Variants in TIMM21 observed in about 807,000 individuals in gnomAD.
TIMM21 encodes translocase of inner mitochondrial membrane 21.
Under a neutral mutation model 27.7 loss-of-function variants are expected in TIMM21, and 30 were observed. The observed-to-expected ratio is 1.08, with a 90% CI of 0.81 to 1.47. The LOEUF (loss-of-function observed/expected upper bound fraction) is 1.47. Ranked by LOEUF, TIMM21 falls within the 40% of genes most tolerant of loss-of-function variation. TIMM21 has a pLI of 0.00. For synonymous variants in TIMM21, 121 were observed against 114.4 expected (o/e 1.06, Z -0.37); for missense variants, 292 against 302.9 (o/e 0.96, Z 0.27).
chr18:74,155,116 C>T (rs373918903), intron 1 of TIMM21, 29 bp from the exon 2 acceptor site: 8 of 1,611,138 alleles, frequency 5.0e-6, no homozygotes, highest in African/African-American at 1.3e-5. Context: ...AGCCGGCACC[C>T]GTAACCCATT....
Position 74,148,999 on chromosome 18 carries a change from C to A in TIMM21, c.191C>A (p.Thr64Asn). 6.2e-7 allele frequency: 1 copy of A among 1,614,114 alleles called. No individual in the cohort carries two copies. The highest frequency in any genetic ancestry group is 1.1e-5 in the South Asian group (1 of 91,078). ...PRCILGVTQK[T>N]IWTQGPSPRK... ...TGTATTCTTGGAGTCACCCAGAAAA[C>A]CATCTGGACGCAGGGACCGAGCCCC... The change falls in exon 1 of 6, where the codon ACC becomes AAC. Residue 64 changes from threonine to asparagine, a missense_variant. Coordinates refer to ENST00000169551, the MANE Select transcript of TIMM21 (RefSeq NM_014177.3).
At chr18:74,151,295 C>T (rs570491274) in intron 1 of TIMM21, among the ~76,000 whole-genome samples, 1 of 152,336 alleles carries the variant, frequency 6.6e-6, no homozygotes, top group East Asian at 1.9e-4. Context: ...TGCATTAGAG[C>T]AGCTGCCTTC....
chr18:74,159,972 TG>T lies in TIMM21; in HGVS notation c.*1493del, dbSNP rs1315217233. 1 of 152,206 alleles carries T rather than the reference TG, an allele frequency of 6.6e-6. No individual in the cohort carries two copies. Among genetic ancestry groups the T allele is most frequent in the Non-Finnish European group, 1.5e-5 (1 of 68,044 alleles). The allele number at this position is 152,206 out of a possible 1,614,324, so 9.4% of individuals were successfully genotyped here. A position where few individuals can be genotyped will look rare whatever the true frequency, so the allele number is the denominator to read the frequency against. On this transcript the variant is annotated 3_prime_UTR_variant, in exon 6 of 6. Transcript: ENST00000169551. ...TTGACTTAAGACTGTTTGCTTTTTC[TG>T]TATTCATTTTTATGCACCTGCCATT...
At chr18:74,156,438 C>T in intron 3 of TIMM21, 2 of 395,964 alleles carry the variant, frequency 5.1e-6, no homozygotes, top group Non-Finnish European at 8.9e-6. Context: ...GGCATCTTTC[C>T]TTTTAAATCC....
rs1979683806 is a variant in TIMM21, at chr18:74,148,762, C to T, written c.-47C>T. The T allele has an allele frequency of 6.4e-7, 1 of 1,571,800 alleles. No homozygotes were observed. The highest frequency in any genetic ancestry group is 8.7e-7 in the Non-Finnish European group (1 of 1,151,682). On this transcript the variant is annotated 5_prime_UTR_variant, in exon 1 of 6. Coordinates refer to ENST00000169551, the MANE Select transcript of TIMM21 (RefSeq NM_014177.3). ...ATGTGTAGTGAACCCTAAAGCTTTC[C>T]TAATTGTAGTTAGCATCGTCCCTAA... is the stretch of plus-strand genomic sequence containing the variant.
At position 74,148,910 on chromosome 18, in the gene TIMM21, C is replaced by T. The variant is rs573601238; in HGVS notation, c.102C>T (p.Cys34=). The T allele has an allele frequency of 1.9e-6, 3 of 1,614,220 alleles. No individual in the cohort carries two copies. Among genetic ancestry groups the T allele is most frequent in the Non-Finnish European group, 2.5e-6 (3 of 1,180,046 alleles). Residue 34 remains cysteine (C), a synonymous_variant, in exon 1 of 6, where the codon TGC becomes TGT. Coordinates refer to ENST00000169551, the MANE Select transcript of TIMM21 (RefSeq NM_014177.3). ...CATACATCGTGCTTAACAAAGCGTG[C>T]TTGAAGACTGAGCCCAGTTTGAGAT... is the stretch of plus-strand genomic sequence containing the variant. ...LLPYIVLNKA[C]LKTEPSLRCG... is the part of the protein sequence containing the mutation.
intron 3 of TIMM21, chr18:74,156,232 A>G (rs932555415): frequency 1.3e-5 from 5 of 398,528 alleles, no homozygotes; most frequent in Non-Finnish European, 2.2e-5. Flanking sequence ...CATCATAAAT[A>G]TTAGGGCTGT....
rs768885874 is a variant in TIMM21, at chr18:74,158,049, T to C, written c.498T>C (p.Tyr166=). ...IGVFGESVKG[Y]GEVTRRGRRQ... ...TCTTTGGTGAGTCTGTTAAAGGCTA[T>C]GGGGAGGTGACAAGGCGGGGTCGCC... The change falls in exon 4 of 6, where the codon TAT becomes TAC. Residue 166 remains tyrosine (Y), a synonymous_variant. Coordinates refer to ENST00000169551, the MANE Select transcript of TIMM21 (RefSeq NM_014177.3). The C allele has an allele frequency of 1.3e-5, 21 of 1,614,168 alleles. No homozygotes were observed. Among genetic ancestry groups the C allele is most frequent in the Middle Eastern group, 1.6e-4 (1 of 6,062 alleles).
At chr18:74,154,786 T>C (rs1979905427) in intron 1 of TIMM21, among the ~76,000 whole-genome samples, 1 of 152,226 alleles carries the variant, frequency 6.6e-6, no homozygotes, top group Admixed American at 6.5e-5. Flanking sequence ...AGCTAGTTAC[T>C]AACTGTTAAG....
chr18:74,156,843 A>G (rs1979964207), intron 3 of TIMM21: 1 of 152,186 alleles, frequency 6.6e-6, no homozygotes, highest in African/African-American at 2.4e-5. Context: ...TTTTGTCAAC[A>G]TTTTTTAAGG....
intron 3 of TIMM21, chr18:74,157,135 A>G (rs998618964): frequency 6.6e-6 from 1 of 152,212 alleles, no homozygotes; most frequent in Admixed American, 6.5e-5. Flanking sequence ...CAGTATTTGC[A>G]TTTTGAATTC....
chr18:74,150,974 A>T (rs570931735), intron 1 of TIMM21, among the ~76,000 whole-genome samples: 1 of 152,228 alleles, frequency 6.6e-6, no homozygotes, highest in South Asian at 2.1e-4. Context: ...CTAAAGTGGG[A>T]GTTATTGTTG....
chr18:74,152,483 T>C lies in TIMM21; in HGVS notation c.302-2662T>C, dbSNP rs184345057. Among the ~76,000 whole-genome samples the C allele has an allele frequency of 2.8e-4, 42 of 152,248 alleles. No individual in the cohort carries two copies. Among genetic ancestry groups the C allele is most frequent in the African/African-American group, 1.0e-3 (42 of 41,542 alleles). On this transcript the variant is annotated intron_variant, in intron 1 of 5. Transcript: ENST00000169551. The surrounding 1 kb of genome is among the most constrained non-coding windows in gnomAD (Gnocchi z 4.1). Reference sequence around the variant, plus strand: ...AGCCACAGCCGTCTGATATAAGTCCTTAAAATTGCTGATTCCTCCTAAACT... The same window carrying C: ...AGCCACAGCCGTCTGATATAAGTCCCTAAAATTGCTGATTCCTCCTAAACT...
Position 74,157,864 on chromosome 18 carries a change from G to A in TIMM21, c.463-150G>A, listed in dbSNP as rs1463931787. On this transcript the variant is annotated intron_variant, in intron 3 of 5. Transcript: ENST00000169551. Reference sequence around the variant, plus strand: ...CCCATCTTGGCCTCCCAGATTGCTGGGATTATAGGCGTGAGCCAGGAGTGG... The same window carrying A: ...CCCATCTTGGCCTCCCAGATTGCTGAGATTATAGGCGTGAGCCAGGAGTGG... The A allele has an allele frequency of 6.3e-6, 5 of 792,446 alleles. No individual in the cohort carries two copies. In the East Asian group the frequency reaches 1.4e-4, roughly 21 times the overall value. The allele number at this position is 792,446 out of a possible 1,614,324, so 49.1% of individuals were successfully genotyped here.
rs202084098 is a variant in TIMM21, at chr18:74,158,211, G to A, written c.577G>A (p.Val193Met). The change falls in exon 5 of 6, where the codon GTG becomes ATG. Residue 193 changes from valine to methionine, a missense_variant. By Grantham distance (21) the Val-to-Met change is conservative. Transcript: ENST00000169551. The part of the protein sequence containing the change: ...YVKDGLKHTC[V>M]KFYIEGSEPG... ...AAAAGATGGGCTGAAACACACGTGT[G>A]TGAAATTCTACATTGAGGGCTCTGA... The A allele has an allele frequency of 1.2e-6, 2 of 1,614,232 alleles. No individual in the cohort carries two copies. The highest frequency in any genetic ancestry group is 2.2e-5 in the East Asian group (1 of 44,880).
chr18:74,155,144 G>A lies in TIMM21; in HGVS notation c.302-1G>A. On this transcript the variant is annotated splice_acceptor_variant, in intron 1 of 5. Transcript: ENST00000169551. LOFTEE classifies it high-confidence loss of function. ...AACCCATTGGTGTTTTCTCTTCACAGTGAAAGAAGCCGGAAGAGATTTTAC... is the reference window on the plus strand; with the variant it reads ...AACCCATTGGTGTTTTCTCTTCACAATGAAAGAAGCCGGAAGAGATTTTAC... The A allele has an allele frequency of 6.2e-7, 1 of 1,614,178 alleles. No individual in the cohort carries two copies.
chr18:74,157,797 T>C, intron 3 of TIMM21: 1 of 549,538 alleles, frequency 1.8e-6, no homozygotes, highest in South Asian at 2.4e-5. Context: ...GGGTTTCACC[T>C]AGTTGGCCAG....
chr18:74,149,132 T>G, intron 1 of TIMM21, 23 bp downstream of exon 1: 1 of 1,594,482 alleles, frequency 6.3e-7, no homozygotes, highest in Non-Finnish European at 8.6e-7. Flanking sequence ...ACTTTAATGA[T>G]TGGGCTTTCA....
At position 74,160,272 on chromosome 18, in the gene TIMM21, T is replaced by G. The variant is rs572738334; in HGVS notation, c.*1792T>G. On this transcript the variant is annotated 3_prime_UTR_variant, in exon 6 of 6. Transcript: ENST00000169551. ...AGGCAGAGGTTGCAGTGAGCCAAGA[T>G]CATGTCACTGCACTCCAGCATGAGT... is the stretch of plus-strand genomic sequence containing the variant. The G allele has an allele frequency of 6.7e-6, 1 of 150,142 alleles. No individual in the cohort carries two copies. Among genetic ancestry groups the G allele is most frequent in the South Asian group, 2.1e-4 (1 of 4,766 alleles). 9.3% of individuals were successfully genotyped at this position (150,142 alleles called of 1,614,324 possible).
Sources: allele counts gnomAD v4.1 joint callset (sites outside exome capture counted in the v4.1 genomes callset), GRCh38; gene constraint gnomAD v4.1.1; non-coding constraint Gnocchi (gnomAD v3.1); transcripts MANE v1.5; gene names NCBI Gene and HGNC (gene_info 2026-07-23, HGNC 2026-07-21).